OSBPL10: variants seen among roughly 807,000 people sequenced by gnomAD.
OSBPL10 encodes oxysterol-binding protein-related protein 10.
Under a neutral mutation model 81.7 loss-of-function variants are expected in OSBPL10, and 49 were observed. That is an observed-to-expected ratio of 0.60 (90% CI 0.48 to 0.76). The LOEUF (loss-of-function observed/expected upper bound fraction) is 0.76, where lower values mean the gene tolerates loss of function less well. Among genes scored for constraint, OSBPL10 ranks in the 30% least tolerant of loss-of-function variants. The probability of loss-of-function intolerance (pLI) is 0.00; values close to 1 mark genes in which losing one functional copy is unlikely to be tolerated. For synonymous variants in OSBPL10, 419 were observed against 383.6 expected (o/e 1.09, Z -1.08); for missense variants, 923 against 987.8 (o/e 0.93, Z 0.88).
At chr3:31,925,655 G>A (rs1425341686) in intron 1 of OSBPL10, among the ~76,000 whole-genome samples, 1 of 151,860 alleles carries the variant, frequency 6.6e-6, no homozygotes, top group African/African-American at 2.4e-5. Context: ...TCTACTAAAG[G>A]TACAAAAATT....
At chr3:31,760,939 G>A (rs145588640) in intron 4 of OSBPL10, among the ~76,000 whole-genome samples, 4,207 of 151,456 alleles carry the variant, frequency 0.028, 91 homozygotes, top group Middle Eastern at 0.038. Context: ...AAAAGATTTT[G>A]TGAAAATAAA....
intron 4 of OSBPL10, among the ~76,000 whole-genome samples, chr3:31,807,930 G>C (rs1699563633): frequency 1.3e-5 from 2 of 152,190 alleles, no homozygotes; most frequent in South Asian, 4.1e-4. Flanking sequence ...GAATTGGACA[G>C]ATGTTGGGCC....
rs1267962527 is a variant in OSBPL10 at position 31,933,766 on chromosome 3, C to T, written c.281+47133G>A. Among the ~76,000 whole-genome samples, 8 of 152,042 alleles carry T rather than the reference C, an allele frequency of 5.3e-5. 1 individual carries two copies. In the South Asian group the frequency reaches 1.0e-3, roughly 20 times the overall value. On this transcript the variant is annotated intron_variant, in intron 1 of 11. Coordinates refer to ENST00000396556, the MANE Select transcript of OSBPL10 (RefSeq NM_017784.5). ...TACTATTAGAACACCCTAGGACAAT[C>T]CAATGCACTGAAGGACAGCAATCAA...
At chr3:31,840,284 C>T (rs1382665123) in intron 3 of OSBPL10, among the ~76,000 whole-genome samples, 1 of 152,146 alleles carries the variant, frequency 6.6e-6, no homozygotes, top group Non-Finnish European at 1.5e-5. Flanking sequence ...GAGAACATTT[C>T]AAGAAGCAAA....
At chr3:32,011,269 T>C (rs1293056663) in intron 2 of OSBPL10, among the ~76,000 whole-genome samples, 3 of 152,186 alleles carry the variant, frequency 2.0e-5, no homozygotes, top group Admixed American at 6.5e-5. Context: ...CAGGCAGCAA[T>C]ATTTGCTGTT....
chr3:31,972,605 C>T (rs1245321832), intron 1 of OSBPL10, among the ~76,000 whole-genome samples: 1 of 152,008 alleles, frequency 6.6e-6, no homozygotes, highest in African/African-American at 2.4e-5. Flanking sequence ...GCCCCCAGTT[C>T]TACCCACACA....
intron 1 of OSBPL10, among the ~76,000 whole-genome samples, chr3:31,957,482 T>G (rs1698041335): frequency 6.6e-6 from 1 of 152,230 alleles, no homozygotes; most frequent in South Asian, 2.1e-4. Context: ...TACTCTACTG[T>G]GGCTTATAAC....
At chr3:31,805,477 CCA>C (rs1699497122) in intron 4 of OSBPL10, among the ~76,000 whole-genome samples, 1 of 152,152 alleles carries the variant, frequency 6.6e-6, no homozygotes, top group Non-Finnish European at 1.5e-5. Flanking sequence ...GCCTGGTATT[CCA>C]CATTCTCCCT....
At chr3:31,954,584 T>C (rs543646401) in intron 1 of OSBPL10, among the ~76,000 whole-genome samples, 31 of 152,144 alleles carry the variant, frequency 2.0e-4, no homozygotes, top group African/African-American at 7.5e-4. Context: ...CAATCTATAT[T>C]GGGGGCAGGG....
At position 31,830,249 on chromosome 3, in the gene OSBPL10, T is replaced by C; in HGVS notation, c.538-18A>G. 1 of 1,602,810 alleles carries C rather than the reference T, an allele frequency of 6.2e-7. No individual in the cohort carries two copies. The highest frequency in any genetic ancestry group is 8.5e-7 in the Non-Finnish European group (1 of 1,174,642). On this transcript the variant is annotated intron_variant, in intron 3 of 11. Transcript: ENST00000396556. ...GGAGCACTCTAGAATAAGCAACAGG[T>C]GTCAAAACTCAACAACTGACCTGCA...
intron 1 of OSBPL10, among the ~76,000 whole-genome samples, chr3:32,050,472 T>C (rs1000866500): frequency 6.6e-6 from 1 of 152,192 alleles, no homozygotes; most frequent in Non-Finnish European, 1.5e-5. Flanking sequence ...TGAGCTACCT[T>C]TGGTGTTTCT....
chr3:31,686,307 G>A (rs1410712356), intron 7 of OSBPL10, among the ~76,000 whole-genome samples: 1 of 152,206 alleles, frequency 6.6e-6, no homozygotes, highest in African/African-American at 2.4e-5. Context: ...GAGATAGGCA[G>A]ACATGAGAAC....
At chr3:31,808,234 G>C (rs1699570401) in intron 4 of OSBPL10, among the ~76,000 whole-genome samples, 1 of 152,152 alleles carries the variant, frequency 6.6e-6, no homozygotes, top group East Asian at 1.9e-4. Flanking sequence ...AGGTTGGAGG[G>C]AAAGGGGGAG....
intron 6 of OSBPL10, among the ~76,000 whole-genome samples, chr3:31,723,572 C>CACACA (rs753039730): frequency 0.03 from 4,391 of 146,684 alleles, 232 homozygotes; most frequent in African/African-American, 0.11. Flanking sequence ...ACACACACAC[C>CACACA]CCTTTCCCTC....
At chr3:31,910,784 G>A (rs1696553130) in intron 1 of OSBPL10, among the ~76,000 whole-genome samples, 1 of 152,114 alleles carries the variant, frequency 6.6e-6, no homozygotes, top group African/African-American at 2.4e-5. Context: ...TTTAACAAAT[G>A]GCGCCGCTTC....
chr3:31,939,667 C>T (rs1050486040), intron 1 of OSBPL10, among the ~76,000 whole-genome samples: 2 of 152,086 alleles, frequency 1.3e-5, no homozygotes, highest in African/African-American at 2.4e-5. Context: ...CACATTCAGA[C>T]CACACTTGAC....
chr3:31,888,348 GAAAACTAC>G (rs1034529371), intron 1 of OSBPL10, among the ~76,000 whole-genome samples: 4 of 152,126 alleles, frequency 2.6e-5, no homozygotes, highest in Non-Finnish European at 5.9e-5. Context: ...TGTAAGACCT[GAAAACTAC>G]AAAACTACTA....
intron 4 of OSBPL10, among the ~76,000 whole-genome samples, chr3:31,820,098 C>T (rs1699942712): frequency 6.6e-6 from 1 of 152,086 alleles, no homozygotes; most frequent in East Asian, 1.9e-4. Context: ...CTCTTTATGC[C>T]TCAGTTTCTT....
At chr3:31,833,116 A>C (rs1322152858) in intron 3 of OSBPL10, among the ~76,000 whole-genome samples, 2 of 152,230 alleles carry the variant, frequency 1.3e-5, no homozygotes, top group African/African-American at 4.8e-5. Flanking sequence ...AGAGGGAGAA[A>C]GAGGATATTT....
Sources: allele counts gnomAD v4.1 joint callset (sites outside exome capture counted in the v4.1 genomes callset), GRCh38; gene constraint gnomAD v4.1.1; transcripts MANE v1.5; gene names NCBI Gene and HGNC (gene_info 2026-07-23, HGNC 2026-07-21).